ANKRD18B: variants seen among roughly 807,000 people sequenced by gnomAD.
ANKRD18B encodes ankyrin repeat domain-containing protein 18B.
In ANKRD18B, 75 loss-of-function variants were observed where a neutral mutation model predicts 111.8. The observed-to-expected ratio is 0.67, with a 90% confidence interval of 0.56 to 0.81. ANKRD18B has a LOEUF of 0.81. Among genes scored for constraint, ANKRD18B ranks in the 40% least tolerant of loss-of-function variants. ANKRD18B has a pLI of 0.00. For synonymous variants in ANKRD18B, 356 were observed against 417.3 expected, an observed-to-expected ratio of 0.85 and a Z score of 1.79; for missense variants, 1,038 against 1,225.5, an observed-to-expected ratio of 0.85 and a Z score of 2.28.
At chr9:33,562,322 T>C (rs1446896207) in intron 14 of ANKRD18B, among the ~76,000 whole-genome samples, 7 of 151,556 alleles carry the variant, frequency 4.6e-5, no homozygotes, top group Non-Finnish European at 1.0e-4. Flanking sequence ...GAAGTCATCA[T>C]CTTTCAGTTC....
intron 14 of ANKRD18B, among the ~76,000 whole-genome samples, chr9:33,560,211 G>T (rs1828586171): frequency 6.6e-6 from 1 of 152,194 alleles, no homozygotes; most frequent in South Asian, 2.1e-4. Context: ...GAGAAGGACA[G>T]AATTTATTAA....
chr9:33,556,728 T>G (rs2118093891), intron 13 of ANKRD18B, among the ~76,000 whole-genome samples: 1 of 152,342 alleles, frequency 6.6e-6, no homozygotes, highest in African/African-American at 2.4e-5. Context: ...TTTAAAGACC[T>G]ATTTGTGTCC....
chr9:33,543,375 T>C, intron 10 of ANKRD18B, 120 bp downstream of exon 10: 1 of 801,552 alleles, frequency 1.2e-6, no homozygotes, highest in East Asian at 2.9e-5. Flanking sequence ...CAGAGCATAA[T>C]TTCATGTTGA....
At chr9:33,573,835 G>A (rs1388349697), downstream of ANKRD18B, among the ~76,000 whole-genome samples, 12 of 145,302 alleles carry the variant, frequency 8.3e-5, 1 homozygote, top group Non-Finnish European at 1.7e-4. Context: ...GCAGGGACCT[G>A]GTTAGCGGTG....
intron 5 of ANKRD18B, 79 bp from the exon 6 acceptor site, chr9:33,536,799 T>A (rs1368200543): frequency 2.1e-6 from 2 of 942,168 alleles, no homozygotes; most frequent in Non-Finnish European, 3.0e-6. Flanking sequence ...TCTGAAATGC[T>A]TTAAGAATTT....
chr9:33,543,823 A>G (rs1828318134), intron 10 of ANKRD18B, among the ~76,000 whole-genome samples: 1 of 152,210 alleles, frequency 6.6e-6, no homozygotes, highest in Non-Finnish European at 1.5e-5. Context: ...TCAGGGTGCA[A>G]ACAATAACTT....
At position 33,529,138 on chromosome 9, in the gene ANKRD18B, C is replaced by G. The variant is rs560033796; in HGVS notation, c.460C>G (p.Leu154Val). Residue 154 changes from leucine to valine, a missense_variant, in exon 3 of 19, where the codon CTT (leucine) becomes GTT (valine). Leu to Val is a conservative substitution (Grantham distance 32). This residue lies in a region of ANKRD18B where 216 missense variants were observed against 205.1 expected (regional missense o/e 1.05). Transcript: ENST00000684830. ...NEGTSLAERL[L>V]SHHANIEALN... The stretch of plus-strand genomic sequence containing the variant: ...GGGGACTTCACTGGCAGAAAGACTG[C>G]TTTCCCACCATGCAAATATTGAAGC... The G allele has an allele frequency of 1.2e-6, 2 of 1,611,738 alleles. No homozygotes were observed. Among genetic ancestry groups the G allele is most frequent in the East Asian group, 4.5e-5 (2 of 44,878 alleles).
At chr9:33,538,552 A>T (rs1296361762) in intron 6 of ANKRD18B, among the ~76,000 whole-genome samples, 1 of 152,206 alleles carries the variant, frequency 6.6e-6, no homozygotes, top group Non-Finnish European at 1.5e-5. Context: ...CCTGACCAAC[A>T]TGGTGAAACC....
intron 13 of ANKRD18B, among the ~76,000 whole-genome samples, chr9:33,557,827 A>G (rs980337127): frequency 2.0e-5 from 3 of 152,012 alleles, no homozygotes; most frequent in African/African-American, 4.8e-5. Flanking sequence ...AAAAAACTGT[A>G]TGGCTATTAT....
At position 33,572,684 on chromosome 9, in the gene ANKRD18B, A is replaced by G; in HGVS notation, c.*250A>G. ...AGCTGTTTAAACAGCCAAACAACCA[A>G]GTCATCATTGATACTGTAGTAAAGG... On this transcript the variant is annotated 3_prime_UTR_variant, in exon 19 of 19. Coordinates refer to ENST00000684830, the MANE Select transcript of ANKRD18B (RefSeq NM_001393611.1). The G allele has an allele frequency of 9.0e-7, 1 of 1,106,594 alleles. No individual in the cohort carries two copies. Among genetic ancestry groups the G allele is most frequent in the South Asian group, 3.2e-5 (1 of 31,444 alleles). The allele number at this position is 1,106,594 out of a possible 1,614,324, so 68.5% of individuals were successfully genotyped here.
intron 11 of ANKRD18B, among the ~76,000 whole-genome samples, chr9:33,549,626 G>C (rs569167185): frequency 5.3e-5 from 8 of 152,204 alleles, no homozygotes; most frequent in Admixed American, 3.3e-4. Context: ...TCTCTTATAT[G>C]TATTTTAGTT....
intron 13 of ANKRD18B, among the ~76,000 whole-genome samples, chr9:33,556,326 T>C (rs529454): frequency 0.4 from 59,479 of 149,256 alleles, 12,524 homozygotes; most frequent in Non-Finnish European, 0.48. Flanking sequence ...TGCAATGACG[T>C]GATCTTGGCT....
At position 33,548,419 on chromosome 9, in the gene ANKRD18B, C is replaced by T. The variant is rs1421561011; in HGVS notation, c.1631C>T (p.Thr544Ile). Residue 544 changes from threonine to isoleucine, a missense_variant, in exon 11 of 19, where the codon ACT (threonine) becomes ATT (isoleucine). By Grantham distance (89) the Thr-to-Ile change is moderately conservative (BLOSUM62 -1). Transcript: ENST00000684830. ...CTAACAGATAAGAATGAGTTGCTTA[C>T]TGAACAGGTCCATAAAGCTCGGGTG... ...SQLTDKNELL[T>I]EQVHKARVKF... is the part of the protein sequence containing the mutation. The T allele has an allele frequency of 3.2e-6, 5 of 1,551,018 alleles. No individual in the cohort carries two copies. Among genetic ancestry groups the T allele is most frequent in the East Asian group, 2.4e-5 (1 of 40,924 alleles).
In ANKRD18B at chr9:33,550,696, T is replaced by C. The variant is rs1038256346; in HGVS notation, c.2217+117T>C. ...GCTTGATTTTGTATTTTCATTATAATTGATCATTACCATTTTATTATCTTT... is the reference window on the plus strand; with the variant it reads ...GCTTGATTTTGTATTTTCATTATAACTGATCATTACCATTTTATTATCTTT... On this transcript the variant is annotated intron_variant, in intron 12 of 18. Transcript: ENST00000684830. 4 of 1,063,014 alleles carry C rather than the reference T, an allele frequency of 3.8e-6. No homozygotes were observed. The African/African-American group carries it at 6.6e-5, about 18-fold the overall frequency. 65.8% of individuals were successfully genotyped at this position (1,063,014 alleles called of 1,614,324 possible).
intron 12 of ANKRD18B, among the ~76,000 whole-genome samples, chr9:33,554,118 A>C (rs1294668562): frequency 6.6e-6 from 1 of 151,366 alleles, no homozygotes; most frequent in Admixed American, 6.6e-5. Flanking sequence ...GACAAAATAT[A>C]CTGGCCCAAA....
At chr9:33,539,321 AT>A (rs1232774983) in intron 6 of ANKRD18B, 127 bp from the exon 7 acceptor site, 1 of 159,164 alleles carries the variant, frequency 6.3e-6, no homozygotes, top group African/African-American at 2.4e-5. Flanking sequence ...GTGGCGATGA[AT>A]GCAGTCTTCT....
Position 33,566,616 on chromosome 9 carries a change from C to T in ANKRD18B, c.2742+116C>T, listed in dbSNP as rs1259399427. 34 of 1,251,188 alleles carry T rather than the reference C, an allele frequency of 2.7e-5. 1 individual carries two copies. The highest frequency in any genetic ancestry group is 2.8e-4 in the Middle Eastern group (1 of 3,618). 77.5% of individuals were successfully genotyped at this position (1,251,188 alleles called of 1,614,324 possible). A position where few individuals can be genotyped will look rare whatever the true frequency, so the allele number is the denominator to read the frequency against. On this transcript the variant is annotated intron_variant, in intron 15 of 18. Transcript: ENST00000684830. Reference sequence around the variant, plus strand: ...CCTCTGCCTCTCTTACGGCAATTTCCTTTGTAGAGCTCTAGAAAAAAGTGA... The same window carrying T: ...CCTCTGCCTCTCTTACGGCAATTTCTTTTGTAGAGCTCTAGAAAAAAGTGA...
At chr9:33,533,923 A>ATTATTATT (rs1186087628) in intron 4 of ANKRD18B, 12 of 140,658 alleles carry the variant, frequency 8.5e-5, no homozygotes, top group Admixed American at 6.4e-4. Flanking sequence ...TTATTATTAT[A>ATTATTATT]GTTGTTGCTG....
chr9:33,524,748 G>T, intron 1 of ANKRD18B, 53 bp downstream of exon 1: 1 of 1,517,496 alleles, frequency 6.6e-7, no homozygotes, highest in East Asian at 2.5e-5. Context: ...CGGTTTCCCC[G>T]CACCGCCTGA....
Sources: gnomAD v4.1 joint callset for allele counts (sites outside exome capture counted in the v4.1 genomes callset) on GRCh38, gnomAD v4.1.1 for gene constraint, gnomAD v4.1.1 regional missense constraint, MANE v1.5 for transcripts, NCBI Gene and HGNC (gene_info 2026-07-23, HGNC 2026-07-21) for gene names.